The following FOCAD variants were observed in gnomAD, a reference collection of about 807,000 sequenced individuals.
FOCAD encodes the protein focadhesin.
A neutral mutation model predicts 225.6 loss-of-function variants in FOCAD; 198 were observed. The ratio of observed to expected loss-of-function variants is 0.88; its 90% confidence interval spans 0.78 to 0.99. The LOEUF (loss-of-function observed/expected upper bound fraction) is 0.99. FOCAD is among the 50% of genes least tolerant of loss of function. FOCAD has a pLI of 0.00. For synonymous variants in FOCAD, 897 were observed against 755.0 expected (o/e 1.19, Z -3.08); for missense variants, 2,713 against 2,123.6 (o/e 1.28, Z -5.46).
chr9:20,890,519 G>T (rs1270668068), intron 21 of FOCAD, among the ~76,000 whole-genome samples: 1 of 151,612 alleles, frequency 6.6e-6, no homozygotes, highest in Non-Finnish European at 1.5e-5. Flanking sequence ...TGCATTCCTG[G>T]GATACACTCC....
intron 33 of FOCAD, 137 bp from the exon 34 acceptor site, chr9:20,950,859 T>C (rs1352283318): frequency 4.4e-6 from 3 of 687,584 alleles, no homozygotes; most frequent in Non-Finnish European, 7.9e-6. Context: ...CACATGATAT[T>C]ACATCTTGTC....
intron 5 of FOCAD, among the ~76,000 whole-genome samples, chr9:20,745,839 G>A (rs550182893): frequency 2.6e-5 from 4 of 152,166 alleles, no homozygotes; most frequent in African/African-American, 9.7e-5. Flanking sequence ...TGGTGTGCTC[G>A]GAAGTGGACA....
chr9:20,723,524 A>C (rs931189313), intron 4 of FOCAD, among the ~76,000 whole-genome samples: 2 of 152,222 alleles, frequency 1.3e-5, no homozygotes, highest in Admixed American at 6.5e-5. Context: ...TTTTTTGAAT[A>C]GATAATATAT....
chr9:20,665,161 A>C (rs1821861644), intron 2 of FOCAD, among the ~76,000 whole-genome samples: 1 of 152,186 alleles, frequency 6.6e-6, no homozygotes, highest in Admixed American at 6.5e-5. Flanking sequence ...GAGACTGCTA[A>C]AGAAAAAGAA....
At chr9:20,869,348 T>C (rs988180007) in intron 18 of FOCAD, among the ~76,000 whole-genome samples, 3 of 152,170 alleles carry the variant, frequency 2.0e-5, no homozygotes, top group South Asian at 4.1e-4. Flanking sequence ...CTAAAAAATA[T>C]ATATATATAA....
At chr9:20,789,722 A>ATTT in intron 11 of FOCAD, 114 bp downstream of exon 11, 6 of 1,066,278 alleles carry the variant, frequency 5.6e-6, no homozygotes, top group Non-Finnish European at 6.5e-6. Flanking sequence ...TGGGTTGATG[A>ATTT]TTTTTTTTTT....
At chr9:20,853,235 C>T (rs1440422748) in intron 15 of FOCAD, among the ~76,000 whole-genome samples, 1 of 151,706 alleles carries the variant, frequency 6.6e-6, no homozygotes, top group Non-Finnish European at 1.5e-5. Flanking sequence ...TTGGAAGATA[C>T]TGTTCCTTGT....
chr9:20,692,248 A>G (rs1823021311), intron 1 of FOCAD, among the ~76,000 whole-genome samples: 1 of 151,310 alleles, frequency 6.6e-6, no homozygotes, highest in East Asian at 1.9e-4. Flanking sequence ...GTTAACAGAA[A>G]CTCCATCCTT....
At chr9:20,725,523 A>G (rs532380427) in intron 4 of FOCAD, among the ~76,000 whole-genome samples, 3 of 152,348 alleles carry the variant, frequency 2.0e-5, no homozygotes, top group African/African-American at 7.2e-5. Context: ...GAATTTTTTC[A>G]GCATTTAGAG....
chr9:20,912,466 A>G (rs1297654096), intron 22 of FOCAD, among the ~76,000 whole-genome samples: 3 of 152,042 alleles, frequency 2.0e-5, no homozygotes, highest in Admixed American at 6.6e-5. Flanking sequence ...CTTGTTTTCT[A>G]GTTTTCTATT....
At chr9:20,982,274 A>G (rs2132634266) in intron 38 of FOCAD, 83 bp from the exon 39 acceptor site, 2 of 992,316 alleles carry the variant, frequency 2.0e-6, no homozygotes, top group East Asian at 5.1e-5. Context: ...TCATGGGGAT[A>G]AGAAAATCTA....
At chr9:20,869,858 C>T (rs1829613534) in intron 18 of FOCAD, among the ~76,000 whole-genome samples, 2 of 152,142 alleles carry the variant, frequency 1.3e-5, no homozygotes, top group African/African-American at 4.8e-5. Context: ...GCACACAGAT[C>T]TAAAATTGGT....
chr9:20,706,228 C>T (rs1038717390), intron 1 of FOCAD, among the ~76,000 whole-genome samples: 1 of 151,974 alleles, frequency 6.6e-6, no homozygotes, highest in Non-Finnish European at 1.5e-5. Context: ...AGCCACCGTG[C>T]CTGGCCAAGT....
intron 1 of FOCAD, among the ~76,000 whole-genome samples, chr9:20,702,351 G>T (rs557432440): frequency 6.6e-6 from 1 of 151,982 alleles, no homozygotes; most frequent in East Asian, 1.9e-4. Context: ...TGATCCTCCC[G>T]CCTCAGCCTC....
rs1017389983 is a variant in FOCAD at position 20,918,463 on chromosome 9, C to T, written c.2852+1526C>T. 1.3e-4 allele frequency among the ~76,000 whole-genome samples: 20 copies of T among 152,344 alleles called. No individual in the cohort carries two copies. The East Asian group carries it at 3.7e-3, about 28-fold the overall frequency. On this transcript the variant is annotated intron_variant, in intron 24 of 43. Transcript: ENST00000338382. ...AAGTGGCCGGGCGCGGTGGCTCACG[C>T]CTGTAATCCCAGCACTTTGGGAGGC... is the stretch of plus-strand genomic sequence containing the variant.
intron 18 of FOCAD, among the ~76,000 whole-genome samples, chr9:20,870,362 A>C (rs1274461040): frequency 6.6e-6 from 1 of 152,182 alleles, no homozygotes; most frequent in Non-Finnish European, 1.5e-5. Flanking sequence ...GTTTATGCAC[A>C]AACTCTTGGA....
intron 11 of FOCAD, among the ~76,000 whole-genome samples, chr9:20,812,626 G>A (rs1823212656): frequency 6.6e-6 from 1 of 151,918 alleles, no homozygotes; most frequent in Non-Finnish European, 1.5e-5. Context: ...ATGGGGTGAA[G>A]ACTTGCATGA....
intron 5 of FOCAD, among the ~76,000 whole-genome samples, chr9:20,740,871 A>G (rs1338552867): frequency 6.6e-6 from 1 of 152,216 alleles, no homozygotes; most frequent in Non-Finnish European, 1.5e-5. Flanking sequence ...CAATAATACT[A>G]CAATGCATTG....
intron 2 of FOCAD, among the ~76,000 whole-genome samples, chr9:20,659,925 A>G (rs1821661660): frequency 6.6e-6 from 1 of 152,228 alleles, no homozygotes; most frequent in Admixed American, 6.5e-5. Flanking sequence ...GTAAAAATTA[A>G]TGGAGAGAGA....
Sources: gnomAD v4.1 joint callset for allele counts (sites outside exome capture counted in the v4.1 genomes callset) on GRCh38, gnomAD v4.1.1 for gene constraint, MANE v1.5 for transcripts, NCBI Gene and HGNC (gene_info 2026-07-23, HGNC 2026-07-21) for gene names.